Variants in SLC17A6 observed in about 807,000 individuals in gnomAD.
SLC17A6 encodes the protein vesicular glutamate transporter 2.
A neutral mutation model predicts 67.1 loss-of-function variants in SLC17A6; 35 were observed. The observed-to-expected ratio is 0.52, with a 90% CI of 0.40 to 0.69. The LOEUF (loss-of-function observed/expected upper bound fraction) is 0.69, where lower values mean the gene tolerates loss of function less well. Among genes scored for constraint, SLC17A6 ranks in the 30% least tolerant of loss-of-function variants. SLC17A6 has a pLI of 0.00. For missense variants in SLC17A6, 588 were observed against 723.9 expected, an observed-to-expected ratio of 0.81 and a Z score of 2.15; for synonymous variants, 285 against 252.3, an observed-to-expected ratio of 1.13 and a Z score of -1.23.
chr11:22,365,988 A>G (rs191199653), intron 7 of SLC17A6, among the ~76,000 whole-genome samples: 1 of 152,232 alleles, frequency 6.6e-6, no homozygotes, highest in Non-Finnish European at 1.5e-5. Flanking sequence ...TTAAACAAAT[A>G]CAATAAATAG....
chr11:22,357,292 G>A (rs1315641094), intron 3 of SLC17A6, among the ~76,000 whole-genome samples: 8 of 152,180 alleles, frequency 5.3e-5, no homozygotes, highest in South Asian at 4.1e-4. Flanking sequence ...CATGTGAAGC[G>A]TTAATATGGT....
chr11:22,371,245 A>G (rs1191954717), intron 8 of SLC17A6, among the ~76,000 whole-genome samples: 1 of 152,040 alleles, frequency 6.6e-6, no homozygotes, highest in Non-Finnish European at 1.5e-5. Context: ...TGTGCTGGCA[A>G]TGGTCTTGCT....
chr11:22,357,314 C>A (rs137944074), intron 3 of SLC17A6, among the ~76,000 whole-genome samples: 13 of 152,234 alleles, frequency 8.5e-5, no homozygotes, highest in Middle Eastern at 3.4e-3. Flanking sequence ...TCTAGCAAGT[C>A]GAATAAGCAC....
intron 6 of SLC17A6, among the ~76,000 whole-genome samples, chr11:22,364,147 T>C (rs1399961385): frequency 6.6e-6 from 1 of 152,180 alleles, no homozygotes; most frequent in Non-Finnish European, 1.5e-5. Flanking sequence ...TAATTTGGTC[T>C]GGAGTCACAC....
intron 5 of SLC17A6, chr11:22,362,290 C>A (rs544997658): frequency 5.0e-6 from 2 of 398,278 alleles, no homozygotes; most frequent in Non-Finnish European, 9.8e-6. Context: ...ACAAAGAGAC[C>A]GCTGGCAGAG....
chr11:22,350,320 A>T (rs1368051410), intron 3 of SLC17A6, among the ~76,000 whole-genome samples: 1 of 152,156 alleles, frequency 6.6e-6, no homozygotes, highest in African/African-American at 2.4e-5. Flanking sequence ...TAAAATAATG[A>T]CATATGATTA....
intron 6 of SLC17A6, among the ~76,000 whole-genome samples, chr11:22,364,692 C>T (rs1042973339): frequency 1.2e-4 from 19 of 152,028 alleles, no homozygotes; most frequent in African/African-American, 3.6e-4. Flanking sequence ...TAGATTGTTA[C>T]CCAAGGGACA....
At chr11:22,366,562 C>G (rs1161320482) in intron 7 of SLC17A6, among the ~76,000 whole-genome samples, 1 of 151,910 alleles carries the variant, frequency 6.6e-6, no homozygotes, top group Non-Finnish European at 1.5e-5. Context: ...GCCCTTTTTT[C>G]TGATGATTTG....
At chr11:22,357,849 G>A (rs1007409819) in intron 3 of SLC17A6, among the ~76,000 whole-genome samples, 1 of 152,104 alleles carries the variant, frequency 6.6e-6, no homozygotes, top group Non-Finnish European at 1.5e-5. Context: ...TCTATTTTGG[G>A]CAAACAGCAC....
chr11:22,373,327 T>C (rs1436080930), intron 8 of SLC17A6, among the ~76,000 whole-genome samples: 1 of 152,204 alleles, frequency 6.6e-6, no homozygotes, highest in Non-Finnish European at 1.5e-5. Context: ...AATCCTAACA[T>C]AGTGTCTTTC....
chr11:22,350,251 A>C (rs1000755455), intron 3 of SLC17A6, among the ~76,000 whole-genome samples: 2 of 152,140 alleles, frequency 1.3e-5, no homozygotes, highest in African/African-American at 4.8e-5. Flanking sequence ...ACACCTCTTG[A>C]TTTTGGCAAT....
In SLC17A6 at chr11:22,365,460, A is replaced by G. The variant is rs921321312; in HGVS notation, c.749-87A>G. The G allele has an allele frequency of 1.3e-5, 17 of 1,344,176 alleles. No homozygotes were observed. In the Admixed American group the frequency reaches 3.1e-4, roughly 24 times the overall value. The allele number at this position is 1,344,176 out of a possible 1,614,324, so 83.3% of individuals were successfully genotyped here. A position where few individuals can be genotyped will look rare whatever the true frequency, so the allele number is the denominator to read the frequency against. The stretch of plus-strand genomic sequence containing the variant: ...CTTGAATTCTTCTTTCTAATAGAAT[A>G]TGTTTGTCTTGAGATGATTGCAGTT... On this transcript the variant is annotated intron_variant, in intron 6 of 11. Transcript: ENST00000263160.
At position 22,357,045 on chromosome 11, in the gene SLC17A6, T is replaced by C. The variant is rs192255667; in HGVS notation, c.459-2368T>C. On this transcript the variant is annotated intron_variant, in intron 3 of 11. Coordinates refer to ENST00000263160, the MANE Select transcript of SLC17A6 (RefSeq NM_020346.3). ...CTGAAGTATATTACTAACTACCTAGTATATGCATAATCAGGTATAAATCCT... is the reference window on the plus strand; with the variant it reads ...CTGAAGTATATTACTAACTACCTAGCATATGCATAATCAGGTATAAATCCT... Among the ~76,000 whole-genome samples, 365 of 152,330 alleles carry C rather than the reference T, an allele frequency of 2.4e-3. 4 individuals carry two copies. Among genetic ancestry groups the C allele is most frequent in the South Asian group, 0.011 (52 of 4,828 alleles).
intron 3 of SLC17A6, among the ~76,000 whole-genome samples, chr11:22,354,785 G>T (rs1473225551): frequency 1.3e-5 from 2 of 152,142 alleles, no homozygotes; most frequent in African/African-American, 4.8e-5. Flanking sequence ...CTCGGACATG[G>T]TTACACCGTC....
Position 22,377,480 on chromosome 11 carries a change from T to C in SLC17A6, c.1489T>C (p.Phe497Leu). The C allele has an allele frequency of 6.2e-7, 1 of 1,614,094 alleles. No individual in the cohort carries two copies. The highest frequency in any genetic ancestry group is 8.5e-7 in the Non-Finnish European group (1 of 1,180,000). ...HYGGVIFYAIFASGEKQPWAD... is the reference protein window; with the variant it reads ...HYGGVIFYAILASGEKQPWAD... ...TGGTGGAGTTATATTTTATGCAATATTTGCCTCAGGAGAGAAACAACCCTG... is the reference window on the plus strand; with the variant it reads ...TGGTGGAGTTATATTTTATGCAATACTTGCCTCAGGAGAGAAACAACCCTG... The change falls in exon 12 of 12, where the codon TTT (phenylalanine) becomes CTT (leucine). Residue 497 changes from phenylalanine to leucine, a missense_variant. Phe to Leu is a conservative substitution (Grantham distance 22). This residue lies in a region of SLC17A6 where 414 missense variants were observed against 563.4 expected (regional missense o/e 0.73). Transcript: ENST00000263160.
At position 22,374,804 on chromosome 11, in the gene SLC17A6, C is replaced by T. The variant is rs1329798265; in HGVS notation, c.1091C>T (p.Pro364Leu). Reference sequence around the variant, plus strand: ...CACTTAGTAATGACAATTATTGTGCCTATTGGGGGACAAATTGCAGATTTT... The same window carrying T: ...CACTTAGTAATGACAATTATTGTGCTTATTGGGGGACAAATTGCAGATTTT... The part of the protein sequence containing the change: ...VPHLVMTIIV[P>L]IGGQIADFLR... The change falls in exon 9 of 12, where the codon CCT (proline) becomes CTT (leucine). Residue 364 changes from proline to leucine, a missense_variant. This residue lies in a region of SLC17A6 where 414 missense variants were observed against 563.4 expected (regional missense o/e 0.73). Transcript: ENST00000263160. 2.5e-6 allele frequency: 4 copies of T among 1,613,378 alleles called. No homozygotes were observed. The highest frequency in any genetic ancestry group is 1.1e-5 in the South Asian group (1 of 91,002).
intron 3 of SLC17A6, among the ~76,000 whole-genome samples, chr11:22,349,365 A>G (rs1855911795): frequency 6.6e-6 from 1 of 152,138 alleles, no homozygotes; most frequent in South Asian, 2.1e-4. Flanking sequence ...TGTGGGCCCC[A>G]TAGGTTAGGT....
At chr11:22,367,147 G>A (rs536652537) in intron 7 of SLC17A6, among the ~76,000 whole-genome samples, 2 of 151,950 alleles carry the variant, frequency 1.3e-5, no homozygotes, top group South Asian at 4.2e-4. Context: ...AAGAAACAAT[G>A]CCCCTTACAT....
chr11:22,366,984 C>T (rs560005456), intron 7 of SLC17A6, among the ~76,000 whole-genome samples: 2 of 117,384 alleles, frequency 1.7e-5, no homozygotes, highest in South Asian at 2.7e-4. Context: ...CCAGCCTGGG[C>T]GACAAACAAG....
Sources: allele counts gnomAD v4.1 joint callset (sites outside exome capture counted in the v4.1 genomes callset), GRCh38; gene constraint gnomAD v4.1.1; regional missense constraint gnomAD v4.1.1; transcripts MANE v1.5; gene names NCBI Gene and HGNC (gene_info 2026-07-23, HGNC 2026-07-21).